SPMIP2: variants seen among roughly 807,000 people sequenced by gnomAD.
SPMIP2 encodes the protein protein SPMIP2.
chr4:158,966,953 G>T, the SPMIP2 span, among the ~76,000 whole-genome samples: 10 of 152,084 alleles, frequency 6.6e-5, no homozygotes, highest in Non-Finnish European at 1.2e-4. Context: ...TTGGGGGCGG[G>T]GATGCCCACT....
At chr4:159,067,806 T>C in the SPMIP2 span, among the ~76,000 whole-genome samples, 1 of 151,606 alleles carries the variant, frequency 6.6e-6, no homozygotes, top group Non-Finnish European at 1.5e-5. Flanking sequence ...CTCAAACAAA[T>C]GTACAAGAAA....
chr4:158,940,559 C>CTTT, the SPMIP2 span, among the ~76,000 whole-genome samples: 74,784 of 134,722 alleles, frequency 0.56, 22,587 homozygotes, highest in East Asian at 0.86. Context: ...GTTGTTCCTT[C>CTTT]TTTTTTTTTT....
chr4:159,082,223 C>A, the SPMIP2 span, among the ~76,000 whole-genome samples: 2,373 of 150,762 alleles, frequency 0.016, 64 homozygotes, highest in African/African-American at 0.053. Context: ...ATCCCAGCTA[C>A]TCTGGAAGCT....
chr4:159,018,912 A>G, the SPMIP2 span, among the ~76,000 whole-genome samples: 1 of 152,144 alleles, frequency 6.6e-6, no homozygotes, highest in Non-Finnish European at 1.5e-5. Flanking sequence ...AATATGGTGA[A>G]ACCCCATCTG....
chr4:158,956,719 C>T, the SPMIP2 span, among the ~76,000 whole-genome samples: 2 of 152,176 alleles, frequency 1.3e-5, no homozygotes, highest in Non-Finnish European at 2.9e-5. Context: ...TTGCTGTATA[C>T]ACATGCTTTA....
chr4:158,893,160 C>A, the SPMIP2 span: 1 of 152,542 alleles, frequency 6.6e-6, no homozygotes, highest in African/African-American at 2.4e-5. Context: ...ACCTGTTCAA[C>A]AAGGGTGCTG....
chr4:158,939,844 C>CA, the SPMIP2 span, among the ~76,000 whole-genome samples: 1 of 134,510 alleles, frequency 7.4e-6, no homozygotes, highest in Admixed American at 7.4e-5. Context: ...GTCTCAAAAA[C>CA]AAAAAAACAA....
the SPMIP2 span, among the ~76,000 whole-genome samples, chr4:158,993,780 C>G: frequency 0.98 from 149,794 of 152,338 alleles, 73,692 homozygotes; most frequent in East Asian, 1. Flanking sequence ...AGTTTCTCTC[C>G]TTTCTAATCC....
the SPMIP2 span, among the ~76,000 whole-genome samples, chr4:158,949,462 T>C: frequency 6.6e-6 from 1 of 152,240 alleles, no homozygotes; most frequent in Non-Finnish European, 1.5e-5. Flanking sequence ...ATTAGAAAAC[T>C]GAGGCATAGT....
the SPMIP2 span, among the ~76,000 whole-genome samples, chr4:158,951,000 G>A: frequency 6.6e-6 from 1 of 152,204 alleles, no homozygotes. Context: ...CTTCCAGTGA[G>A]CTAGAGATGT....
the SPMIP2 span, among the ~76,000 whole-genome samples, chr4:159,052,958 T>TTA: frequency 6.2e-3 from 568 of 91,424 alleles, 6 homozygotes; most frequent in African/African-American, 0.022. Flanking sequence ...TATTATTATT[T>TTA]TTTTTTTTTT....
the SPMIP2 span, among the ~76,000 whole-genome samples, chr4:158,943,858 C>CTTTTTTT: frequency 0.51 from 50,903 of 100,584 alleles, 14,005 homozygotes; most frequent in East Asian, 0.77. Context: ...TTGACATTTT[C>CTTTTTTT]TTTTTTTTTT....
the SPMIP2 span, among the ~76,000 whole-genome samples, chr4:158,902,154 C>T: frequency 1.3e-5 from 2 of 152,142 alleles, no homozygotes; most frequent in Admixed American, 1.3e-4. Flanking sequence ...ACGTTGGTGA[C>T]CTTCGGATGG....
the SPMIP2 span, among the ~76,000 whole-genome samples, chr4:158,971,170 T>C: frequency 2.6e-5 from 4 of 152,162 alleles, no homozygotes; most frequent in Non-Finnish European, 5.9e-5. Flanking sequence ...AGAGAGGCTA[T>C]ACACACTCAA....
chr4:159,033,904 C>T, the SPMIP2 span, among the ~76,000 whole-genome samples: 3 of 152,192 alleles, frequency 2.0e-5, no homozygotes, highest in Non-Finnish European at 4.4e-5. Flanking sequence ...GGGTGGATCA[C>T]TTGAGGTCAG....
At chr4:159,019,853 G>C in the SPMIP2 span, among the ~76,000 whole-genome samples, 23 of 152,194 alleles carry the variant, frequency 1.5e-4, no homozygotes, top group Non-Finnish European at 3.4e-4. Context: ...TGACTGGAGA[G>C]AGGGGGACAG....
At chr4:158,899,036 A>G in the SPMIP2 span, among the ~76,000 whole-genome samples, 1 of 152,158 alleles carries the variant, frequency 6.6e-6, no homozygotes, top group African/African-American at 2.4e-5. Context: ...TAGTTTATTG[A>G]GAGTTTATAG....
chr4:158,938,527 G>T, the SPMIP2 span, among the ~76,000 whole-genome samples: 1 of 152,160 alleles, frequency 6.6e-6, no homozygotes, highest in South Asian at 2.1e-4. Context: ...AACAAGAAAG[G>T]TCTCACATTA....
At chr4:158,930,985 A>C in the SPMIP2 span, among the ~76,000 whole-genome samples, 11 of 152,136 alleles carry the variant, frequency 7.2e-5, no homozygotes, top group African/African-American at 2.7e-4. Flanking sequence ...AGTTTTGGCT[A>C]TTATTTCTTC....
Sources: allele counts gnomAD v4.1 joint callset (sites outside exome capture counted in the v4.1 genomes callset), GRCh38; gene constraint gnomAD v4.1.1; transcripts MANE v1.5; gene names NCBI Gene and HGNC (gene_info 2026-07-23, HGNC 2026-07-21).